OSBPL3: variants seen among roughly 807,000 people sequenced by gnomAD.
OSBPL3 encodes the protein oxysterol binding protein like 3.
OSBPL3 carries 65 observed loss-of-function variants against 120.1 expected under a neutral mutation model. That is an observed-to-expected ratio of 0.54 (90% CI 0.44 to 0.67). The LOEUF (loss-of-function observed/expected upper bound fraction) is 0.67, where lower values mean the gene tolerates loss of function less well. Ranked by LOEUF, OSBPL3 falls within the 30% of genes least tolerant of loss-of-function variation. The pLI is 0.00. For missense variants in OSBPL3, 1,004 were observed against 1,082.1 expected, an observed-to-expected ratio of 0.93 and a Z score of 1.01; for synonymous variants, 416 against 402.6, an observed-to-expected ratio of 1.03 and a Z score of -0.40.
rs549888586 is a variant in OSBPL3 at position 24,878,673 on chromosome 7, T to C, written c.97-6604A>G. ...TTAAATGTTTCTCAGCTATGGTTTT[T>C]TGTTTGTTTGTTTAGCACCAGCAGG... On this transcript the variant is annotated intron_variant, in intron 2 of 22. Transcript: ENST00000313367. 7.2e-5 allele frequency among the ~76,000 whole-genome samples: 11 copies of C among 152,320 alleles called. No individual in the cohort carries two copies. The East Asian group carries it at 1.9e-3, about 27-fold the overall frequency.
chr7:24,969,541 CTTA>C (rs2128534311), intron 1 of OSBPL3, among the ~76,000 whole-genome samples: 1 of 152,116 alleles, frequency 6.6e-6, no homozygotes, highest in Non-Finnish European at 1.5e-5. Flanking sequence ...GATTTTTCAT[CTTA>C]TTATTAAAAG....
intron 19 of OSBPL3, 92 bp downstream of exon 19, chr7:24,814,967 A>T: frequency 8.1e-7 from 1 of 1,239,772 alleles, no homozygotes; most frequent in Non-Finnish European, 1.2e-6. Context: ...ATAAAGGTGA[A>T]GGCGAAAAAT....
At chr7:24,917,111 A>C (rs899505407) in intron 1 of OSBPL3, among the ~76,000 whole-genome samples, 5 of 152,046 alleles carry the variant, frequency 3.3e-5, no homozygotes, top group African/African-American at 1.2e-4. Flanking sequence ...TTCCAGTGAC[A>C]ACAAGCTTAT....
In OSBPL3 at chr7:24,827,287, G is replaced by A. The variant is rs933934849; in HGVS notation, c.1884+3481C>T. 6.6e-6 allele frequency among the ~76,000 whole-genome samples: 1 copy of A among 152,224 alleles called. No individual in the cohort carries two copies. The highest frequency in any genetic ancestry group is 2.4e-5 in the African/African-American group (1 of 41,466). ...GTCTCCTGGGCTGGAGGCAGAAAGA[G>A]CCATACCAGGTACCAGCAGGAAACA... On this transcript the variant is annotated intron_variant, in intron 16 of 22. Transcript: ENST00000313367. The surrounding 1 kb of genome is among the most constrained non-coding windows in gnomAD (Gnocchi z 5.1).
In OSBPL3 at chr7:24,852,375, G is replaced by A; in HGVS notation, c.1158+129C>T. 1.4e-6 allele frequency: 1 copy of A among 727,194 alleles called. No homozygotes were observed. The highest frequency in any genetic ancestry group is 2.0e-6 in the Non-Finnish European group (1 of 493,854). 45.0% of individuals were successfully genotyped at this position (727,194 alleles called of 1,614,324 possible). On this transcript the variant is annotated intron_variant, in intron 11 of 22. Coordinates refer to ENST00000313367, the MANE Select transcript of OSBPL3 (RefSeq NM_015550.4). This position sits in a 1 kb window ranked among gnomAD's most constrained non-coding sequence, Gnocchi z 4.1. ...TTTCAAATAAGCAGATTTGATGAAA[G>A]GTTAGAATATAATTTGGATAATTTG...
intron 1 of OSBPL3, among the ~76,000 whole-genome samples, chr7:24,935,140 AATG>A (rs1812253673): frequency 6.6e-6 from 1 of 152,204 alleles, no homozygotes; most frequent in Admixed American, 6.5e-5. Flanking sequence ...CATCCATTAA[AATG>A]ATAAAACAGG....
chr7:24,835,750 C>T lies in OSBPL3; in HGVS notation c.1496-1014G>A, dbSNP rs1486490434. On this transcript the variant is annotated intron_variant, in intron 14 of 22. Coordinates refer to ENST00000313367, the MANE Select transcript of OSBPL3 (RefSeq NM_015550.4). The surrounding 1 kb of genome is among the most constrained non-coding windows in gnomAD (Gnocchi z 4.8). ...GTGCAGCCATAAAAAAGAATGGGAT[C>T]ATAGCCTTTGCAGCAACATAGATGG... is the stretch of plus-strand genomic sequence containing the variant. Among the ~76,000 whole-genome samples the T allele has an allele frequency of 1.3e-5, 2 of 152,274 alleles. No individual in the cohort carries two copies. Among genetic ancestry groups the T allele is most frequent in the Admixed American group, 1.3e-4 (2 of 15,304 alleles).
intron 1 of OSBPL3, among the ~76,000 whole-genome samples, chr7:24,897,320 C>CTTT (rs35715609): frequency 1.1e-3 from 110 of 102,292 alleles, no homozygotes; most frequent in East Asian, 2.1e-3. Context: ...ATGGCAGAAT[C>CTTT]TTTTTTTTTT....
chr7:24,935,849 A>C (rs1812343382), intron 1 of OSBPL3, among the ~76,000 whole-genome samples: 1 of 152,140 alleles, frequency 6.6e-6, no homozygotes, highest in Admixed American at 6.5e-5. Context: ...GACCAAAAAA[A>C]AGGTATGTTC....
intron 1 of OSBPL3, among the ~76,000 whole-genome samples, chr7:24,909,779 CTTTCTTTTTTTTTTTTTTTTTTT>C (rs1258709012): frequency 5.7e-5 from 5 of 87,840 alleles, no homozygotes; most frequent in African/African-American, 2.1e-4. Flanking sequence ...TTTTTTTTTT[CTTTCTTTTTTTTTTTTTTTTTTT>C]TTTTTTGGAG....
Position 24,834,483 on chromosome 7 carries a change from C to T in OSBPL3, c.1746+3G>A. The T allele has an allele frequency of 6.8e-6, 11 of 1,607,052 alleles. No homozygotes were observed. The highest frequency in any genetic ancestry group is 1.3e-5 in the African/African-American group (1 of 74,978). Reference sequence around the variant, plus strand: ...CAGTGGCAAGGGAAGGCTGACTCCTCACCATCCTTTCCAGGGGGCTGGGAA... The same window carrying T: ...CAGTGGCAAGGGAAGGCTGACTCCTTACCATCCTTTCCAGGGGGCTGGGAA... On this transcript the variant is annotated splice_donor_region_variant and intron_variant, in intron 15 of 22. Coordinates refer to ENST00000313367, the MANE Select transcript of OSBPL3 (RefSeq NM_015550.4). This position sits in a 1 kb window ranked among gnomAD's most constrained non-coding sequence, Gnocchi z 5.2.
rs932345958 is a variant in OSBPL3, at chr7:24,855,249, C to T, written c.1028-2615G>A. ...CAGTGGGTCCCCTGGGGAGCTACCT[C>T]TCACTGTCTTGTTTATTGCTCCAAA... On this transcript the variant is annotated intron_variant, in intron 10 of 22. Transcript: ENST00000313367. The surrounding 1 kb of genome is among the most constrained non-coding windows in gnomAD (Gnocchi z 4.3). 1.3e-5 allele frequency among the ~76,000 whole-genome samples: 2 copies of T among 152,176 alleles called. No homozygotes were observed. Among genetic ancestry groups the T allele is most frequent in the Non-Finnish European group, 2.9e-5 (2 of 68,038 alleles).
Position 24,808,948 on chromosome 7 carries a change from G to GGTTA in OSBPL3, c.2317+858_2317+859insTAAC, listed in dbSNP as rs2128110660. On this transcript the variant is annotated intron_variant, in intron 20 of 22. Coordinates refer to ENST00000313367, the MANE Select transcript of OSBPL3 (RefSeq NM_015550.4). This position sits in a 1 kb window ranked among gnomAD's most constrained non-coding sequence, Gnocchi z 4.6. ...GTCATGCAGGGGTATGACACTGAAT[G>GGTTA]GTAACAACCATTTTGCATTCATTAG... Among the ~76,000 whole-genome samples, 1 of 152,202 alleles carries GGTTA rather than the reference G, an allele frequency of 6.6e-6. No individual in the cohort carries two copies. The highest frequency in any genetic ancestry group is 2.1e-4 in the South Asian group (1 of 4,812).
At chr7:24,825,010 T>C (rs896142652) in intron 16 of OSBPL3, among the ~76,000 whole-genome samples, 7 of 152,074 alleles carry the variant, frequency 4.6e-5, no homozygotes, top group African/African-American at 1.4e-4. Flanking sequence ...GTGGGGTAAG[T>C]AGGAGAAGTG....
chr7:24,907,502 TCA>T (rs1469796162), intron 1 of OSBPL3, among the ~76,000 whole-genome samples: 11 of 151,832 alleles, frequency 7.2e-5, no homozygotes, highest in African/African-American at 2.6e-4. Flanking sequence ...CAGACATCAC[TCA>T]GTTACACTTT....
At chr7:24,977,397 C>G (rs1327701113) in intron 1 of OSBPL3, among the ~76,000 whole-genome samples, 1 of 152,188 alleles carries the variant, frequency 6.6e-6, no homozygotes, top group Non-Finnish European at 1.5e-5. Flanking sequence ...TGGATTCTAT[C>G]ATGAGTTAAC....
chr7:24,839,198 G>A (rs1181400288), intron 14 of OSBPL3, among the ~76,000 whole-genome samples: 1 of 152,206 alleles, frequency 6.6e-6, no homozygotes, highest in Non-Finnish European at 1.5e-5. Context: ...GGTGCTTTGA[G>A]TATCCAATGC....
rs1198763829 is a variant in OSBPL3, at chr7:24,955,207, T to C, written c.-150+24679A>G. On this transcript the variant is annotated intron_variant, in intron 1 of 22. Transcript: ENST00000313367. This position sits in a 1 kb window ranked among gnomAD's most constrained non-coding sequence, Gnocchi z 4.3. ...TATTTTTGAATTAATAAAGTTATAGTTCAATCATTCATGAATTTGCTGAAA... is the reference window on the plus strand; with the variant it reads ...TATTTTTGAATTAATAAAGTTATAGCTCAATCATTCATGAATTTGCTGAAA... Among the ~76,000 whole-genome samples the C allele has an allele frequency of 3.9e-5, 6 of 152,252 alleles. No individual in the cohort carries two copies. Among genetic ancestry groups the C allele is most frequent in the Non-Finnish European group, 7.3e-5 (5 of 68,042 alleles).
chr7:24,920,069 T>C (rs1230239402), intron 1 of OSBPL3, among the ~76,000 whole-genome samples: 3 of 152,114 alleles, frequency 2.0e-5, no homozygotes, highest in Non-Finnish European at 4.4e-5. Context: ...ATGCAAACTT[T>C]GGAAAACCTT....
Sources: allele counts gnomAD v4.1 joint callset (sites outside exome capture counted in the v4.1 genomes callset), GRCh38; gene constraint gnomAD v4.1.1; non-coding constraint Gnocchi (gnomAD v3.1); transcripts MANE v1.5; gene names NCBI Gene and HGNC (gene_info 2026-07-23, HGNC 2026-07-21).